LYZL2: variants seen among roughly 807,000 people sequenced by gnomAD.
LYZL2 encodes lysozyme like 2.
Under a neutral mutation model 17.1 loss-of-function variants are expected in LYZL2, and 13 were observed. The observed-to-expected ratio is 0.76, with a 90% CI of 0.49 to 1.21. LYZL2 has a LOEUF of 1.21. Among genes scored for constraint, LYZL2 ranks in the 50% most tolerant of loss-of-function variants. The probability of loss-of-function intolerance (pLI) is 0.00; values close to 1 mark genes in which losing one functional copy is unlikely to be tolerated. For synonymous variants in LYZL2, 63 were observed against 74.4 expected (o/e 0.85, Z 0.79); for missense variants, 166 against 189.2 (o/e 0.88, Z 0.72).
the LYZL2 span, among the ~76,000 whole-genome samples, chr10:30,606,601 A>G: frequency 1.3e-5 from 2 of 152,174 alleles, no homozygotes; most frequent in African/African-American, 2.4e-5. Flanking sequence ...ATGGCCGTGC[A>G]TGGCAAATAT....
chr10:30,619,279 G>A (rs962925600), intron 3 of LYZL2, among the ~76,000 whole-genome samples: 106 of 152,166 alleles, frequency 7.0e-4, no homozygotes, highest in African/African-American at 2.4e-3. Flanking sequence ...CAATTCCTCA[G>A]GGATCTAGAA....
At chr10:30,626,687 G>A in intron 2 of LYZL2, 90 bp downstream of exon 2, 1 of 1,569,972 alleles carries the variant, frequency 6.4e-7, no homozygotes, top group Non-Finnish European at 8.7e-7. Context: ...GGGGTAGTTG[G>A]GGAGACACAG....
downstream of LYZL2, among the ~76,000 whole-genome samples, chr10:30,607,194 G>A (rs11593091): frequency 0.014 from 679 of 48,938 alleles, 1 homozygote; most frequent in Non-Finnish European, 0.022. Flanking sequence ...TTACAGGTGT[G>A]AGCCACCGCG....
chr10:30,624,744 C>T (rs528170028), intron 3 of LYZL2, among the ~76,000 whole-genome samples: 2 of 152,296 alleles, frequency 1.3e-5, no homozygotes, highest in African/African-American at 4.8e-5. Flanking sequence ...TATGGGGTCT[C>T]GCCCAGGCTG....
At position 30,626,997 on chromosome 10, in the gene LYZL2, A is replaced by G; in HGVS notation, c.-25-57T>C. On this transcript the variant is annotated intron_variant, in intron 1 of 4. Coordinates refer to ENST00000647634, the MANE Select transcript of LYZL2 (RefSeq NM_183058.3). ...TCTTGATTCAGGAACTTCGAAATCCAGCATCGGTGACTGTGCACAGCCCTG... is the reference window on the plus strand; with the variant it reads ...TCTTGATTCAGGAACTTCGAAATCCGGCATCGGTGACTGTGCACAGCCCTG... 3.7e-6 allele frequency: 6 copies of G among 1,602,088 alleles called. No homozygotes were observed. The South Asian group carries it at 6.8e-5, about 18-fold the overall frequency.
Position 30,626,085 on chromosome 10 carries a change from C to G in LYZL2, c.298+20G>C, listed in dbSNP as rs766620477. ...TCACCTGGTCCTGAGGATGGCATCACTGGAAAGTCAGAGCCTCACCTGAGC... is the reference window on the plus strand; with the variant it reads ...TCACCTGGTCCTGAGGATGGCATCAGTGGAAAGTCAGAGCCTCACCTGAGC... On this transcript the variant is annotated intron_variant, in intron 3 of 4. Coordinates refer to ENST00000647634, the MANE Select transcript of LYZL2 (RefSeq NM_183058.3). The G allele has an allele frequency of 6.2e-6, 10 of 1,608,060 alleles. No homozygotes were observed. Among genetic ancestry groups the G allele is most frequent in the Non-Finnish European group, 7.7e-6 (9 of 1,176,174 alleles).
At chr10:30,617,311 G>A (rs1006741251) in intron 3 of LYZL2, among the ~76,000 whole-genome samples, 2 of 152,154 alleles carry the variant, frequency 1.3e-5, no homozygotes, top group African/African-American at 4.8e-5. Context: ...CCCCTCCTAT[G>A]TTGTTAGAGC....
chr10:30,626,306 T>C (rs374730827), intron 2 of LYZL2, 43 bp from the exon 3 acceptor site: 34 of 1,607,178 alleles, frequency 2.1e-5, no homozygotes, highest in Non-Finnish European at 2.3e-5. Flanking sequence ...GGAGGTGCCA[T>C]CTTTTGCTCT....
At chr10:30,611,568 AAG>A (rs1276994198), downstream of LYZL2, among the ~76,000 whole-genome samples, 911 of 89,632 alleles carry the variant, frequency 0.01, 3 homozygotes, top group East Asian at 0.015. Context: ...GGAAGGAAGG[AAG>A]GAAAGAAAGA....
intron 3 of LYZL2, among the ~76,000 whole-genome samples, chr10:30,618,442 T>G (rs1456858408): frequency 6.6e-6 from 1 of 152,188 alleles, no homozygotes; most frequent in African/African-American, 2.4e-5. Context: ...AAGGCTACAG[T>G]AACCAAAACA....
intron 1 of LYZL2, among the ~76,000 whole-genome samples, chr10:30,628,046 G>GCTGCT (rs1838747007): frequency 6.6e-6 from 1 of 152,136 alleles, no homozygotes; most frequent in Admixed American, 6.5e-5. Flanking sequence ...TGTAGTCCCA[G>GCTGCT]CTGCTCGGGA....
Position 30,629,739 on chromosome 10 carries a change from G to C in LYZL2, c.-172C>G, listed in dbSNP as rs183167078. The C allele has an allele frequency of 5.1e-6, 8 of 1,579,022 alleles. No homozygotes were observed. Among genetic ancestry groups the C allele is most frequent in the Non-Finnish European group, 6.9e-6 (8 of 1,158,520 alleles). ...GCCATGTCTGATTCTAACAAGGCTC[G>C]AGTAATCCTTTCCTAGCTCAAGAAC... On this transcript the variant is annotated 5_prime_UTR_variant, in exon 1 of 5. Transcript: ENST00000647634.
At chr10:30,620,010 GTGTT>G (rs1348310527) in intron 3 of LYZL2, among the ~76,000 whole-genome samples, 1 of 151,970 alleles carries the variant, frequency 6.6e-6, no homozygotes, top group Non-Finnish European at 1.5e-5. Context: ...ACATATTTTT[GTGTT>G]TGTATTTATC....
At chr10:30,614,432 G>T (rs1433765925) in intron 3 of LYZL2, among the ~76,000 whole-genome samples, 2 of 152,190 alleles carry the variant, frequency 1.3e-5, no homozygotes, top group Non-Finnish European at 2.9e-5. Flanking sequence ...AATGGGTGTG[G>T]GTCACCCCGG....
intron 3 of LYZL2, among the ~76,000 whole-genome samples, chr10:30,619,702 A>G (rs1400877387): frequency 6.6e-6 from 1 of 151,986 alleles, no homozygotes; most frequent in Non-Finnish European, 1.5e-5. Context: ...CGGGAGGGAT[A>G]GCATTAGGAG....
At chr10:30,620,022 A>G (rs1423170160) in intron 3 of LYZL2, among the ~76,000 whole-genome samples, 1 of 152,180 alleles carries the variant, frequency 6.6e-6, no homozygotes, top group East Asian at 1.9e-4. Flanking sequence ...GTTTGTATTT[A>G]TCGATTGCTT....
downstream of LYZL2, among the ~76,000 whole-genome samples, chr10:30,610,023 G>T (rs1838414816): frequency 6.6e-6 from 1 of 152,062 alleles, no homozygotes; most frequent in Non-Finnish European, 1.5e-5. Flanking sequence ...TTCCAATCAG[G>T]GGTATCCAAT....
At chr10:30,612,983 AG>A in intron 3 of LYZL2, 83 bp from the exon 4 acceptor site, 2 of 1,073,360 alleles carry the variant, frequency 1.9e-6, no homozygotes, top group South Asian at 1.4e-5. Context: ...CATTTTTCTC[AG>A]TCTTTTTGGG....
intron 3 of LYZL2, among the ~76,000 whole-genome samples, chr10:30,617,687 A>AAG (rs1298889831): frequency 6.7e-6 from 1 of 148,834 alleles, no homozygotes; most frequent in African/African-American, 2.5e-5. Flanking sequence ...AAAAAAAAAA[A>AAG]AAAAAAAAAA....
Sources: allele counts gnomAD v4.1 joint callset (sites outside exome capture counted in the v4.1 genomes callset), GRCh38; gene constraint gnomAD v4.1.1; transcripts MANE v1.5; gene names NCBI Gene and HGNC (gene_info 2026-07-23, HGNC 2026-07-21).